ANKFN1: variants seen among roughly 807,000 people sequenced by gnomAD.
ANKFN1 encodes the protein ankyrin repeat and fibronectin type-III domain-containing protein 1.
A neutral mutation model predicts 108.7 loss-of-function variants in ANKFN1; 74 were observed. The observed-to-expected ratio is 0.68, with a 90% CI of 0.56 to 0.83. The LOEUF (loss-of-function observed/expected upper bound fraction) is 0.83, where lower values mean the gene tolerates loss of function less well. Ranked by LOEUF, ANKFN1 falls within the 40% of genes least tolerant of loss-of-function variation. The pLI is 0.00. For missense variants in ANKFN1, 1,505 were observed against 1,382.3 expected (o/e 1.09, Z -1.41); for synonymous variants, 547 against 516.2 (o/e 1.06, Z -0.81).
intron 4 of ANKFN1, among the ~76,000 whole-genome samples, chr17:56,087,296 G>T (rs1905333793): frequency 6.6e-6 from 1 of 151,286 alleles, no homozygotes; most frequent in South Asian, 2.1e-4. Flanking sequence ...GGGCACTGTG[G>T]GCTACACAGT....
At chr17:56,246,133 T>C (rs540279685) in intron 3 of ANKFN1, among the ~76,000 whole-genome samples, 10 of 152,268 alleles carry the variant, frequency 6.6e-5, no homozygotes, top group African/African-American at 2.4e-4. Context: ...GGAGTTACAA[T>C]GTGATTCCAA....
intron 6 of ANKFN1, among the ~76,000 whole-genome samples, chr17:56,363,055 A>G (rs1169196626): frequency 6.6e-6 from 1 of 152,040 alleles, no homozygotes; most frequent in African/African-American, 2.4e-5. Flanking sequence ...CTAAAAATAC[A>G]AAAATTTGCT....
chr17:56,385,508 G>A (rs1194771998), intron 8 of ANKFN1, among the ~76,000 whole-genome samples: 1 of 152,090 alleles, frequency 6.6e-6, no homozygotes, highest in African/African-American at 2.4e-5. Context: ...CACAGCAAAA[G>A]AAATTACCAT....
rs536522785 is a variant in ANKFN1 at position 56,392,949 on chromosome 17, C to T, written c.910+18235C>T. On this transcript the variant is annotated intron_variant, in intron 8 of 20. Transcript: ENST00000682825. ...TTCCACTGATTTTAGCTCTGACCTC[C>T]GAGAGCACCCAGGAAGTCTGAATAG... Among the ~76,000 whole-genome samples, 4 of 152,276 alleles carry T rather than the reference C, an allele frequency of 2.6e-5. No homozygotes were observed. The South Asian group carries it at 6.2e-4, about 24-fold the overall frequency.
chr17:56,252,844 G>A (rs185972357), intron 3 of ANKFN1, among the ~76,000 whole-genome samples: 1 of 151,616 alleles, frequency 6.6e-6, no homozygotes, highest in East Asian at 1.9e-4. Context: ...AGGATCACTT[G>A]AGGCCAAGAG....
intron 8 of ANKFN1, among the ~76,000 whole-genome samples, chr17:56,410,443 A>G (rs2048058868): frequency 6.6e-6 from 1 of 152,184 alleles, no homozygotes; most frequent in African/African-American, 2.4e-5. Flanking sequence ...GTTATGGGGT[A>G]TAATATGATT....
chr17:56,440,626 G>C (rs538348077), intron 9 of ANKFN1, among the ~76,000 whole-genome samples: 14 of 152,266 alleles, frequency 9.2e-5, no homozygotes, highest in Admixed American at 9.2e-4. Context: ...TTTATAAACT[G>C]TCGTGTTCTA....
intron 3 of ANKFN1, among the ~76,000 whole-genome samples, chr17:56,237,123 G>T (rs1217253260): frequency 6.6e-6 from 1 of 152,118 alleles, no homozygotes; most frequent in Non-Finnish European, 1.5e-5. Flanking sequence ...CTTGATTGTT[G>T]TGGGTTAGCT....
At chr17:56,350,740 A>G in intron 4 of ANKFN1, 26 bp from the exon 5 acceptor site, 1 of 1,597,864 alleles carries the variant, frequency 6.3e-7, no homozygotes, top group African/African-American at 1.3e-5. Flanking sequence ...TGTAAAAGAT[A>G]TAACATCGGA....
chr17:56,162,232 A>G (rs1041105404), intron 1 of ANKFN1, among the ~76,000 whole-genome samples: 2 of 152,218 alleles, frequency 1.3e-5, no homozygotes, highest in South Asian at 2.1e-4. Flanking sequence ...AATAATATCT[A>G]TACATAATAA....
chr17:56,089,982 A>G (rs1905382392), intron 4 of ANKFN1, among the ~76,000 whole-genome samples: 1 of 151,556 alleles, frequency 6.6e-6, no homozygotes, highest in Non-Finnish European at 1.5e-5. Context: ...GATAGAAAAG[A>G]AAGCATCCAT....
Position 56,457,909 on chromosome 17 carries a change from C to G in ANKFN1, c.1487C>G (p.Pro496Arg). 1 of 1,614,000 alleles carries G rather than the reference C, an allele frequency of 6.2e-7. No homozygotes were observed. ...EDIRWLRQSIPISSSSSTVLQ... is the reference protein window; with the variant it reads ...EDIRWLRQSIRISSSSSTVLQ... Reference sequence around the variant, plus strand: ...ATAAGGTGGCTGAGGCAAAGCATACCAATATCCTCATCCTCATCCACAGTG... The same window carrying G: ...ATAAGGTGGCTGAGGCAAAGCATACGAATATCCTCATCCTCATCCACAGTG... Residue 496 changes from proline (P) to arginine (R), a missense_variant, in exon 14 of 21, where the codon CCA (proline) becomes CGA (arginine). Physicochemically the swap from Pro to Arg is moderately radical, Grantham distance 103. Coordinates refer to ENST00000682825, the MANE Select transcript of ANKFN1 (RefSeq NM_001370326.1).
chr17:56,292,482 G>A lies in ANKFN1; in HGVS notation c.54-33739G>A, dbSNP rs1267303471. On this transcript the variant is annotated intron_variant, in intron 3 of 20. Transcript: ENST00000682825. ...AGAATCAAGAAGAAATCTCTTGGAA[G>A]AAATGGAATGTCCACTCTTTTCTTG... Among the ~76,000 whole-genome samples the A allele has an allele frequency of 2.0e-5, 3 of 152,184 alleles. No individual in the cohort carries two copies. In the East Asian group the frequency reaches 5.8e-4, roughly 29 times the overall value.
intron 4 of ANKFN1, among the ~76,000 whole-genome samples, chr17:56,076,912 T>C (rs1905188351): frequency 6.6e-6 from 1 of 152,234 alleles, no homozygotes; most frequent in Non-Finnish European, 1.5e-5. Flanking sequence ...GCATCAGTCT[T>C]ATGATAGATT....
intron 4 of ANKFN1, among the ~76,000 whole-genome samples, chr17:56,130,765 G>A (rs904856874): frequency 5.3e-5 from 8 of 152,252 alleles, no homozygotes; most frequent in Admixed American, 3.3e-4. Context: ...TGCAGCCTGA[G>A]AGTGTATTCA....
chr17:56,300,939 T>C (rs1433010630), intron 3 of ANKFN1, among the ~76,000 whole-genome samples: 2 of 152,334 alleles, frequency 1.3e-5, no homozygotes, highest in African/African-American at 4.8e-5. Context: ...ATACAAGTAG[T>C]CTAAGAGAAC....
intron 4 of ANKFN1, among the ~76,000 whole-genome samples, chr17:56,130,437 GA>G (rs925527805): frequency 2.7e-5 from 4 of 150,138 alleles, no homozygotes; most frequent in African/African-American, 2.4e-5. Context: ...ATGTGAAATG[GA>G]AAAAAAAATG....
intron 4 of ANKFN1, among the ~76,000 whole-genome samples, chr17:56,078,453 T>C (rs1368756226): frequency 1.3e-5 from 2 of 152,190 alleles, no homozygotes; most frequent in Non-Finnish European, 2.9e-5. Context: ...GATCTCTTCT[T>C]CCAAGTTTTA....
At chr17:56,336,360 G>T (rs1345225450) in intron 4 of ANKFN1, among the ~76,000 whole-genome samples, 1 of 152,068 alleles carries the variant, frequency 6.6e-6, no homozygotes, top group Admixed American at 6.6e-5. Flanking sequence ...GACTCTTTTT[G>T]GTTGGTAGGC....
Sources: allele counts gnomAD v4.1 joint callset (sites outside exome capture counted in the v4.1 genomes callset), GRCh38; gene constraint gnomAD v4.1.1; transcripts MANE v1.5; gene names NCBI Gene and HGNC (gene_info 2026-07-23, HGNC 2026-07-21).